SPMIP11: variants seen among roughly 807,000 people sequenced by gnomAD.
SPMIP11 encodes long intergenic non-protein coding RNA 935.
At chr12:48,738,807 G>C in the SPMIP11 span, among the ~76,000 whole-genome samples, 2 of 152,040 alleles carry the variant, frequency 1.3e-5, no homozygotes, top group Non-Finnish European at 2.9e-5. Context: ...TGTTAGAAGA[G>C]AATTACTAAA....
the SPMIP11 span, among the ~76,000 whole-genome samples, chr12:48,737,671 T>C: frequency 1.3e-5 from 2 of 152,120 alleles, no homozygotes; most frequent in African/African-American, 4.8e-5. Context: ...CGCCTCGGCC[T>C]CCCAAAGTGC....
chr12:48,746,129 A>T, the SPMIP11 span, among the ~76,000 whole-genome samples: 1 of 152,178 alleles, frequency 6.6e-6, no homozygotes, highest in African/African-American at 2.4e-5. Context: ...AGAGCTAGGG[A>T]GAAAATAAAG....
the SPMIP11 span, among the ~76,000 whole-genome samples, chr12:48,742,111 T>A: frequency 6.6e-6 from 1 of 152,112 alleles, no homozygotes; most frequent in South Asian, 2.1e-4. Flanking sequence ...ACACAGGGTC[T>A]CACTTGTTGC....
chr12:48,768,855 CCT>C, the SPMIP11 span: 23 of 1,553,278 alleles, frequency 1.5e-5, no homozygotes, highest in Non-Finnish European at 2.0e-5. Flanking sequence ...CCACCCTACC[CCT>C]GTCCTAGCAG....
chr12:48,769,037 G>T, the SPMIP11 span: 1 of 1,613,202 alleles, frequency 6.2e-7, no homozygotes, highest in Non-Finnish European at 8.5e-7. Flanking sequence ...GATGACACCT[G>T]CCACGACTGG....
the SPMIP11 span, chr12:48,759,150 A>C: frequency 1.4e-6 from 1 of 696,956 alleles, no homozygotes; most frequent in Non-Finnish European, 2.6e-6. Context: ...GAGACCAGGG[A>C]ATCAGAGAAT....
At chr12:48,749,087 C>A in the SPMIP11 span, among the ~76,000 whole-genome samples, 1 of 151,460 alleles carries the variant, frequency 6.6e-6, no homozygotes, top group Non-Finnish European at 1.5e-5. Flanking sequence ...CATGGTGAAA[C>A]CCCATCTCTA....
the SPMIP11 span, among the ~76,000 whole-genome samples, chr12:48,731,692 T>C: frequency 1.3e-5 from 2 of 152,166 alleles, no homozygotes; most frequent in South Asian, 2.1e-4. Flanking sequence ...CAGAATAGTG[T>C]TCTGCAAGAT....
chr12:48,770,808 G>C, the SPMIP11 span: 1 of 1,614,192 alleles, frequency 6.2e-7, no homozygotes, highest in South Asian at 1.1e-5. Flanking sequence ...TCATTGATGT[G>C]CTTCATCTGC....
the SPMIP11 span, among the ~76,000 whole-genome samples, chr12:48,735,003 CA>C: frequency 2.4e-5 from 2 of 84,108 alleles, no homozygotes; most frequent in Admixed American, 1.5e-4. Flanking sequence ...GACTCTGTCT[CA>C]AAAAAAAAAA....
At chr12:48,735,745 G>A in the SPMIP11 span, among the ~76,000 whole-genome samples, 74 of 151,954 alleles carry the variant, frequency 4.9e-4, 1 homozygote, top group South Asian at 3.8e-3. Context: ...TTAGCCAGGC[G>A]TGGTGACACA....
chr12:48,757,919 G>A, the SPMIP11 span, among the ~76,000 whole-genome samples: 280 of 150,274 alleles, frequency 1.9e-3, 1 homozygote, highest in African/African-American at 6.6e-3. Flanking sequence ...GCTTGAACCC[G>A]GCAGATAGAT....
chr12:48,747,393 A>G, the SPMIP11 span, among the ~76,000 whole-genome samples: 1 of 152,312 alleles, frequency 6.6e-6, no homozygotes, highest in African/African-American at 2.4e-5. Context: ...CTTCATCTTC[A>G]TAAGAGCAGA....
the SPMIP11 span, among the ~76,000 whole-genome samples, chr12:48,769,413 C>CAA: frequency 1.5e-3 from 58 of 38,586 alleles, no homozygotes; most frequent in East Asian, 2.4e-3. Flanking sequence ...ATCCCCATCT[C>CAA]AAAAAAAAAA....
At chr12:48,749,684 T>G in the SPMIP11 span, among the ~76,000 whole-genome samples, 8 of 68,914 alleles carry the variant, frequency 1.2e-4, no homozygotes, top group Admixed American at 7.4e-4. Context: ...CTGTCTCTGG[T>G]TCTTCTTCTT....
At chr12:48,736,695 G>A in the SPMIP11 span, among the ~76,000 whole-genome samples, 174 of 137,294 alleles carry the variant, frequency 1.3e-3, 1 homozygote, top group Middle Eastern at 3.7e-3. Flanking sequence ...TTCCTGGGTC[G>A]CATGTTTTTT....
chr12:48,741,931 A>G, the SPMIP11 span, among the ~76,000 whole-genome samples: 4 of 152,142 alleles, frequency 2.6e-5, no homozygotes, highest in African/African-American at 9.7e-5. Context: ...GAGCCATTGC[A>G]CCCAGCCAAC....
At chr12:48,770,981 C>T in the SPMIP11 span, 62 of 1,611,102 alleles carry the variant, frequency 3.8e-5, no homozygotes, top group Admixed American at 9.7e-4. Flanking sequence ...CTGAACAACA[C>T]AAGGAGACCT....
At chr12:48,742,277 C>CTTTTTTTTTTTTTTTTTTTTT in the SPMIP11 span, among the ~76,000 whole-genome samples, 5 of 87,220 alleles carry the variant, frequency 5.7e-5, 1 homozygote, top group Non-Finnish European at 9.0e-5. Context: ...CTTTTCTTTT[C>CTTTTTTTTTTTTTTTTTTTTT]CTTTTTTTTT....
Sources: gnomAD v4.1 joint callset for allele counts (sites outside exome capture counted in the v4.1 genomes callset) on GRCh38, gnomAD v4.1.1 for gene constraint, MANE v1.5 for transcripts, NCBI Gene and HGNC (gene_info 2026-07-23, HGNC 2026-07-21) for gene names.